LRCH4: variants seen among roughly 807,000 people sequenced by gnomAD.
LRCH4 encodes the protein leucine-rich repeat and calponin homology domain-containing protein 4.
Under a neutral mutation model 81.2 loss-of-function variants are expected in LRCH4, and 56 were observed. That is an observed-to-expected ratio of 0.69 (90% CI 0.56 to 0.86). The LOEUF is 0.86. LRCH4 is among the 40% of genes least tolerant of loss of function. The probability of loss-of-function intolerance (pLI) is 0.00; values close to 1 mark genes in which losing one functional copy is unlikely to be tolerated. For missense variants in LRCH4, 895 were observed against 922.8 expected, an observed-to-expected ratio of 0.97 and a Z score of 0.39; for synonymous variants, 442 against 409.7, an observed-to-expected ratio of 1.08 and a Z score of -0.95.
chr7:100,579,205 C>A, intron 4 of LRCH4: 1 of 201,472 alleles, frequency 5.0e-6, no homozygotes, highest in Non-Finnish European at 1.0e-5. Flanking sequence ...CGGATTGTGG[C>A]CGCCCGGGAG....
chr7:100,584,821 A>G (rs766693855), intron 1 of LRCH4: 29 of 456,018 alleles, frequency 6.4e-5, no homozygotes, highest in Middle Eastern at 3.2e-4. Flanking sequence ...AGTAAGCACT[A>G]TCCTCCAGCT....
rs1554348415 is a variant in LRCH4, at chr7:100,574,632, G to GCACACA, written c.*469_*474dup. Reference sequence around the variant, plus strand: ...ACGCGGAGCAGACGCGCGCGCGCGCGCACACACACACACACAGGCAGGGCG... The same window carrying GCACACA: ...ACGCGGAGCAGACGCGCGCGCGCGCGCACACACACACACACACACACAGGCAGGGCG... On this transcript the variant is annotated 3_prime_UTR_variant, in exon 18 of 18. Transcript: ENST00000310300. The GCACACA allele has an allele frequency of 6.0e-4, 92 of 152,114 alleles. No homozygotes were observed. The highest frequency in any genetic ancestry group is 3.4e-3 in the Middle Eastern group (1 of 294). 9.4% of individuals were successfully genotyped at this position (152,114 alleles called of 1,614,324 possible).
At chr7:100,579,932 T>C (rs995833902) in intron 4 of LRCH4, 26 of 152,360 alleles carry the variant, frequency 1.7e-4, no homozygotes, top group African/African-American at 6.3e-4. Flanking sequence ...GATTTCTTTT[T>C]ATGGCCCAGA....
rs759024833 is a variant in LRCH4, at chr7:100,575,202, G to C, written c.1957C>G (p.Leu653Val). Residue 653 changes from leucine (L) to valine (V), a missense_variant, in exon 18 of 18, where the codon CTC becomes GTC. Coordinates refer to ENST00000310300, the MANE Select transcript of LRCH4 (RefSeq NM_002319.5). This position sits in a 1 kb window ranked among gnomAD's most constrained non-coding sequence, Gnocchi z 5.3. ...KRVGGKALPP[L>V]WPPSGLGGFV... Reference sequence around the variant, plus strand: ...CCGCCCAGACCAGAGGGGGGCCAGAGGGGCGGTAGGGCCTTGCCCCCCACC... The same window carrying C: ...CCGCCCAGACCAGAGGGGGGCCAGACGGGCGGTAGGGCCTTGCCCCCCACC... The C allele has an allele frequency of 1.7e-5, 27 of 1,611,924 alleles. No individual in the cohort carries two copies. In the South Asian group the frequency reaches 2.8e-4, roughly 16 times the overall value.
chr7:100,584,940 C>G (rs1801678523), intron 1 of LRCH4: 1 of 374,462 alleles, frequency 2.7e-6, no homozygotes, highest in Admixed American at 3.2e-5. Flanking sequence ...GCTGCCGGCC[C>G]AAGGTCATAG....
intron 4 of LRCH4, chr7:100,579,361 G>A (rs1263591399): frequency 6.5e-6 from 1 of 152,992 alleles, no homozygotes; most frequent in Non-Finnish European, 1.5e-5. Flanking sequence ...AATTTGGGAG[G>A]CCAAGGCGGG....
At chr7:100,584,368 C>T (rs1012554880) in intron 1 of LRCH4, among the ~76,000 whole-genome samples, 12 of 151,790 alleles carry the variant, frequency 7.9e-5, no homozygotes, top group African/African-American at 2.9e-4. Context: ...TTTCCGACCC[C>T]CCCCCAAGCT....
At chr7:100,585,150 T>TC (rs1801687087) in intron 1 of LRCH4, 1 of 194,932 alleles carries the variant, frequency 5.1e-6, no homozygotes, top group Admixed American at 5.6e-5. Flanking sequence ...CTCAAGTCCC[T>TC]CCCCCGGGGG....
intron 13 of LRCH4, 30 bp from the exon 14 acceptor site, chr7:100,576,807 G>C: frequency 6.4e-7 from 1 of 1,560,748 alleles, no homozygotes; most frequent in South Asian, 1.2e-5. Flanking sequence ...CACAGCGACA[G>C]GGGCAGGTGA....
rs150962857 is a variant in LRCH4, at chr7:100,577,354, G to A, written c.1214C>T (p.Pro405Leu). The change falls in exon 11 of 18, where the codon CCG becomes CTG. Residue 405 changes from proline to leucine, a missense_variant. Around this residue, in one of 3 missense-constraint regions of LRCH4, gnomAD observed 529 missense variants for 504.9 expected, o/e 1.05. Transcript: ENST00000310300. This position sits in a 1 kb window ranked among gnomAD's most constrained non-coding sequence, Gnocchi z 6.7. ...CTCCTGCCACAGCTGCAAGGTGTCCGGGCGCCGCCGCTCCTCCCCTGCCGG... is the reference window on the plus strand; with the variant it reads ...CTCCTGCCACAGCTGCAAGGTGTCCAGGCGCCGCCGCTCCTCCCCTGCCGG... ...EEPAGEERRR[P>L]DTLQLWQERE... 5.2e-5 allele frequency: 83 copies of A among 1,599,372 alleles called. No homozygotes were observed. The East Asian group carries it at 1.6e-3, about 31-fold the overall frequency.
rs1452926715 is a variant in LRCH4, at chr7:100,577,596, G to A, written c.1117-38C>T. 1 of 1,610,946 alleles carries A rather than the reference G, an allele frequency of 6.2e-7. No individual in the cohort carries two copies. The highest frequency in any genetic ancestry group is 8.5e-7 in the Non-Finnish European group (1 of 1,179,548). On this transcript the variant is annotated intron_variant, in intron 9 of 17. Transcript: ENST00000310300. This position sits in a 1 kb window ranked among gnomAD's most constrained non-coding sequence, Gnocchi z 6.7. ...CAGCAGAGCAGCTGAGGGCAGGCCTGTGCCCACGCCTGCCCTGTCCCCTCC... is the reference window on the plus strand; with the variant it reads ...CAGCAGAGCAGCTGAGGGCAGGCCTATGCCCACGCCTGCCCTGTCCCCTCC...
In LRCH4 at chr7:100,577,509, G is replaced by T; in HGVS notation, c.1166C>A (p.Ala389Glu). 1 of 1,609,328 alleles carries T rather than the reference G, an allele frequency of 6.2e-7. No homozygotes were observed. The change falls in exon 10 of 18, where the codon GCA (alanine) becomes GAA (glutamate). Residue 389 changes from alanine to glutamate, a missense_variant. Physicochemically the swap from Ala to Glu is moderately radical, Grantham distance 107 (BLOSUM62 -1). Around this residue, in one of 3 missense-constraint regions of LRCH4, gnomAD observed 529 missense variants for 504.9 expected, o/e 1.05. Coordinates refer to ENST00000310300, the MANE Select transcript of LRCH4 (RefSeq NM_002319.5). The surrounding 1 kb of genome is among the most constrained non-coding windows in gnomAD (Gnocchi z 6.7). ...LSPGAGDRER[A>E]PSSRREEPAG... ...GGGCTTGGGGTACCTGCTGCTTGGT[G>T]CCCTCTCCCTGTCCCCTGCCCCAGG...
At position 100,578,291 on chromosome 7, in the gene LRCH4, A is replaced by G. The variant is rs1483774220; in HGVS notation, c.849-33T>C. 2 of 1,604,516 alleles carry G rather than the reference A, an allele frequency of 1.2e-6. No homozygotes were observed. The highest frequency in any genetic ancestry group is 8.5e-7 in the Non-Finnish European group (1 of 1,171,266). On this transcript the variant is annotated intron_variant, in intron 6 of 17. Coordinates refer to ENST00000310300, the MANE Select transcript of LRCH4 (RefSeq NM_002319.5). This position sits in a 1 kb window ranked among gnomAD's most constrained non-coding sequence, Gnocchi z 5.7. ...CAGCCAGGCGGATCTGGTCAGCCTG[A>G]TGCTGGACAACAGCCCCCCATCCTC...
Position 100,582,514 on chromosome 7 carries a change from C to A in LRCH4, c.221-55G>T. On this transcript the variant is annotated intron_variant, in intron 1 of 17. Coordinates refer to ENST00000310300, the MANE Select transcript of LRCH4 (RefSeq NM_002319.5). This position sits in a 1 kb window ranked among gnomAD's most constrained non-coding sequence, Gnocchi z 5.0. ...GCGGAAAGGCCCAGCCCGGACAGGA[C>A]CTTCAGTCCCCCCAGAGCCGGCTGC... The A allele has an allele frequency of 6.4e-7, 1 of 1,561,120 alleles. No homozygotes were observed. Among genetic ancestry groups the A allele is most frequent in the Non-Finnish European group, 8.6e-7 (1 of 1,157,470 alleles).
In LRCH4 at chr7:100,581,806, C is replaced by A; in HGVS notation, c.569G>T (p.Arg190Leu). The A allele has an allele frequency of 6.2e-7, 1 of 1,614,208 alleles. No homozygotes were observed. Among genetic ancestry groups the A allele is most frequent in the Non-Finnish European group, 8.5e-7 (1 of 1,180,020 alleles). Reference sequence around the variant, plus strand: ...GGGCAGCGTACTGAGCTGGTTCCTCCGGACATTGAGGTCCCGCAGGGAAGA... The same window carrying A: ...GGGCAGCGTACTGAGCTGGTTCCTCAGGACATTGAGGTCCCGCAGGGAAGA... ...GLSSLRDLNVRRNQLSTLPEE... is the reference protein window; with the variant it reads ...GLSSLRDLNVLRNQLSTLPEE... Residue 190 changes from arginine (R) to leucine (L), a missense_variant, in exon 4 of 18, where the codon CGG becomes CTG. Physicochemically the swap from Arg to Leu is moderately radical, Grantham distance 102 (BLOSUM62 -2). Around this residue, in one of 3 missense-constraint regions of LRCH4, gnomAD observed 360 missense variants for 397.0 expected, o/e 0.91. Transcript: ENST00000310300.
At position 100,575,359 on chromosome 7, in the gene LRCH4, A is replaced by G; in HGVS notation, c.1855-55T>C. ...ACAAGGGACAGACGTCAGCAGCAGCAGCAGGACAGTCCCTCCCACCCCTGC... is the reference window on the plus strand; with the variant it reads ...ACAAGGGACAGACGTCAGCAGCAGCGGCAGGACAGTCCCTCCCACCCCTGC... On this transcript the variant is annotated intron_variant, in intron 17 of 17. Coordinates refer to ENST00000310300, the MANE Select transcript of LRCH4 (RefSeq NM_002319.5). The surrounding 1 kb of genome is among the most constrained non-coding windows in gnomAD (Gnocchi z 5.3). 1 of 1,454,882 alleles carries G rather than the reference A, an allele frequency of 6.9e-7. No individual in the cohort carries two copies. The highest frequency in any genetic ancestry group is 2.1e-5 in the Admixed American group (1 of 47,792). 90.1% of individuals were successfully genotyped at this position (1,454,882 alleles called of 1,614,324 possible). A position where few individuals can be genotyped will look rare whatever the true frequency, so the allele number is the denominator to read the frequency against.
intron 4 of LRCH4, chr7:100,580,695 AAACAC>A (rs1332332861): frequency 2.0e-5 from 3 of 151,438 alleles, no homozygotes; most frequent in Non-Finnish European, 2.9e-5. Context: ...ACACAGACAT[AAACAC>A]AACACACACA....
Position 100,575,376 on chromosome 7 carries a change from C to T in LRCH4, c.1855-72G>A. The T allele has an allele frequency of 7.3e-7, 1 of 1,367,640 alleles. No homozygotes were observed. The highest frequency in any genetic ancestry group is 1.0e-6 in the Non-Finnish European group (1 of 1,003,442). The allele number at this position is 1,367,640 out of a possible 1,614,324, so 84.7% of individuals were successfully genotyped here. A position where few individuals can be genotyped will look rare whatever the true frequency, so the allele number is the denominator to read the frequency against. Reference sequence around the variant, plus strand: ...GCAGCAGCAGCAGGACAGTCCCTCCCACCCCTGCCCTCACGTGCTGGGGCC... The same window carrying T: ...GCAGCAGCAGCAGGACAGTCCCTCCTACCCCTGCCCTCACGTGCTGGGGCC... On this transcript the variant is annotated intron_variant, in intron 17 of 17. Transcript: ENST00000310300. This position sits in a 1 kb window ranked among gnomAD's most constrained non-coding sequence, Gnocchi z 5.3.
intron 1 of LRCH4, among the ~76,000 whole-genome samples, chr7:100,585,632 T>C (rs757429719): frequency 6.6e-6 from 1 of 150,872 alleles, no homozygotes; most frequent in Non-Finnish European, 1.5e-5. Context: ...GATATGCAAA[T>C]AAAGAGAAAG....
Sources: allele counts gnomAD v4.1 joint callset (sites outside exome capture counted in the v4.1 genomes callset), GRCh38; gene constraint gnomAD v4.1.1; regional missense constraint gnomAD v4.1.1; non-coding constraint Gnocchi (gnomAD v3.1); transcripts MANE v1.5; gene names NCBI Gene and HGNC (gene_info 2026-07-23, HGNC 2026-07-21).